The following SEMA6A variants were observed in gnomAD, a reference collection of about 807,000 sequenced individuals.
SEMA6A encodes the protein semaphorin-6A.
Under a neutral mutation model 96.8 loss-of-function variants are expected in SEMA6A, and 25 were observed. The ratio of observed to expected loss-of-function variants is 0.26; its 90% confidence interval spans 0.19 to 0.36. SEMA6A has a LOEUF of 0.36. SEMA6A is among the 10% of genes least tolerant of loss of function. The probability of loss-of-function intolerance (pLI) is 1.00; values close to 1 mark genes in which losing one functional copy is unlikely to be tolerated. For synonymous variants in SEMA6A, 612 were observed against 518.0 expected (o/e 1.18, Z -2.46); for missense variants, 1,363 against 1,323.1 (o/e 1.03, Z -0.47).
intron 1 of SEMA6A, among the ~76,000 whole-genome samples, chr5:116,567,520 G>A (rs749721776): frequency 2.0e-5 from 3 of 152,152 alleles, no homozygotes; most frequent in Non-Finnish European, 4.4e-5. Context: ...CCGGCATTGT[G>A]ACATGCATTT....
intron 1 of SEMA6A, among the ~76,000 whole-genome samples, chr5:116,570,167 G>A (rs930599449): frequency 6.6e-6 from 1 of 152,178 alleles, no homozygotes; most frequent in Non-Finnish European, 1.5e-5. Flanking sequence ...ATTTCGAAGG[G>A]ATTAAATGCC....
At chr5:116,452,939 G>T (rs890585162) in intron 18 of SEMA6A, among the ~76,000 whole-genome samples, 3 of 152,344 alleles carry the variant, frequency 2.0e-5, no homozygotes, top group Admixed American at 1.3e-4. Flanking sequence ...AGGGAAGAAG[G>T]CAAGTGCTTG....
chr5:116,501,497 T>C (rs1276662005), intron 3 of SEMA6A, among the ~76,000 whole-genome samples: 3 of 152,226 alleles, frequency 2.0e-5, no homozygotes, highest in African/African-American at 4.8e-5. Context: ...AGATTATCAA[T>C]GATATATATG....
intron 3 of SEMA6A, among the ~76,000 whole-genome samples, chr5:116,497,724 G>T (rs1359238598): frequency 6.6e-6 from 1 of 152,196 alleles, no homozygotes; most frequent in East Asian, 1.9e-4. Flanking sequence ...AACACAGATG[G>T]ATTCGTGTGC....
chr5:116,553,889 A>ATC (rs1248350743), intron 1 of SEMA6A, among the ~76,000 whole-genome samples: 5 of 152,250 alleles, frequency 3.3e-5, no homozygotes, highest in Admixed American at 1.3e-4. Context: ...TTTTTAAAAT[A>ATC]AGTAATTATA....
At chr5:116,533,704 A>T (rs1759589437) in intron 1 of SEMA6A, among the ~76,000 whole-genome samples, 1 of 152,192 alleles carries the variant, frequency 6.6e-6, no homozygotes, top group Non-Finnish European at 1.5e-5. Context: ...TGAGGTAGCT[A>T]AACCCTACTA....
At chr5:116,451,663 A>G (rs890922356) in intron 18 of SEMA6A, among the ~76,000 whole-genome samples, 9 of 152,172 alleles carry the variant, frequency 5.9e-5, no homozygotes, top group Non-Finnish European at 1.2e-4. Context: ...TGGGTTTTCA[A>G]TACATTGTAG....
At chr5:116,499,475 C>G (rs1330366064) in intron 3 of SEMA6A, among the ~76,000 whole-genome samples, 1 of 152,034 alleles carries the variant, frequency 6.6e-6, no homozygotes, top group Non-Finnish European at 1.5e-5. Context: ...TACTTGCTGC[C>G]TAGAAACCTA....
intron 18 of SEMA6A, among the ~76,000 whole-genome samples, chr5:116,465,124 C>T (rs1043789108): frequency 2.6e-5 from 4 of 152,082 alleles, no homozygotes; most frequent in African/African-American, 4.8e-5. Context: ...TCTTGCATCC[C>T]GGGAGATGCT....
rs183394973 is a variant in SEMA6A, at chr5:116,541,343, T to G, written c.-39+32842A>C. The stretch of plus-strand genomic sequence containing the variant: ...GAGGGGTAAGAATCACCAAAATTCT[T>G]ATTTATTTTTTTCATGTTTACTAAC... On this transcript the variant is annotated intron_variant, in intron 1 of 18. Transcript: ENST00000343348. Among the ~76,000 whole-genome samples, 4 of 152,200 alleles carry G rather than the reference T, an allele frequency of 2.6e-5. No homozygotes were observed. In the East Asian group the frequency reaches 7.7e-4, roughly 29 times the overall value.
Position 116,478,102 on chromosome 5 carries a change from T to C in SEMA6A, c.1480A>G (p.Arg494Gly), listed in dbSNP as rs868050573. ...GCAACATACAGAGAGCTGCTTGCTC[T>C]GTCCAGCTGCATGCCCATGATCCTT... is the stretch of plus-strand genomic sequence containing the variant. ...DKRIMGMQLD[R>G]ASSSLYVAFS... Residue 494 changes from arginine to glycine, a missense_variant, in exon 14 of 19, where the codon AGA (arginine) becomes GGA (glycine). Transcript: ENST00000343348. 6.2e-7 allele frequency: 1 copy of C among 1,613,984 alleles called. No individual in the cohort carries two copies. The highest frequency in any genetic ancestry group is 1.3e-5 in the African/African-American group (1 of 75,044).
intron 1 of SEMA6A, among the ~76,000 whole-genome samples, chr5:116,527,874 A>T (rs1185175691): frequency 6.6e-6 from 1 of 152,246 alleles, no homozygotes; most frequent in Non-Finnish European, 1.5e-5. Context: ...CTCAGGTGTT[A>T]CTATTTTAAT....
At chr5:116,541,155 A>G (rs7706935) in intron 1 of SEMA6A, among the ~76,000 whole-genome samples, 22,831 of 152,106 alleles carry the variant, frequency 0.15, 3,003 homozygotes, top group African/African-American at 0.36. Context: ...GGTGGAGGGT[A>G]AACACAACAG....
chr5:116,472,848 A>T, intron 17 of SEMA6A: 1 of 1,415,636 alleles, frequency 7.1e-7, no homozygotes, highest in Non-Finnish European at 9.3e-7. Flanking sequence ...GAATGACTTC[A>T]CGAATTTAAA....
intron 18 of SEMA6A, 82 bp from the exon 19 acceptor site, chr5:116,447,893 T>A: frequency 8.8e-7 from 1 of 1,135,204 alleles, no homozygotes; most frequent in Non-Finnish European, 1.2e-6. Flanking sequence ...CCTTGTTAAT[T>A]AATAACAGTA....
rs1228760953 is a variant in SEMA6A, at chr5:116,488,759, T to TAC, written c.655+127_655+128dup. 2.9e-5 allele frequency: 34 copies of TAC among 1,172,934 alleles called. No individual in the cohort carries two copies. In the East Asian group the frequency reaches 8.6e-4, roughly 30 times the overall value. The allele number at this position is 1,172,934 out of a possible 1,614,324, so 72.7% of individuals were successfully genotyped here. A position where few individuals can be genotyped will look rare whatever the true frequency, so the allele number is the denominator to read the frequency against. The stretch of plus-strand genomic sequence containing the variant: ...ATCAGTTGAAGCCAAAGATGCAATT[T>TAC]ACATGTTTCTGTCTGTCAGAAGCCA... On this transcript the variant is annotated intron_variant, in intron 8 of 18. Coordinates refer to ENST00000343348, the MANE Select transcript of SEMA6A (RefSeq NM_020796.5).
chr5:116,556,599 C>G (rs933492827), intron 1 of SEMA6A, among the ~76,000 whole-genome samples: 12 of 152,058 alleles, frequency 7.9e-5, no homozygotes, highest in African/African-American at 2.7e-4. Context: ...AGTAATGTTC[C>G]CAAGATCTCA....
In SEMA6A at chr5:116,480,110, T is replaced by A; in HGVS notation, c.1250+12A>T. On this transcript the variant is annotated intron_variant, in intron 12 of 18. Transcript: ENST00000343348. ...AGGAAATCCATCAGGACACGGTTTGTTTGACACCCACCTGACCATTGTTCT... is the reference window on the plus strand; with the variant it reads ...AGGAAATCCATCAGGACACGGTTTGATTGACACCCACCTGACCATTGTTCT... 1 of 1,613,376 alleles carries A rather than the reference T, an allele frequency of 6.2e-7. No individual in the cohort carries two copies. The highest frequency in any genetic ancestry group is 1.3e-5 in the African/African-American group (1 of 75,032).
intron 1 of SEMA6A, among the ~76,000 whole-genome samples, chr5:116,563,881 A>G (rs1372839516): frequency 1.3e-5 from 2 of 152,216 alleles, no homozygotes; most frequent in Non-Finnish European, 2.9e-5. Flanking sequence ...GAATTTACAA[A>G]TGCACATTTT....
Sources: allele counts gnomAD v4.1 joint callset (sites outside exome capture counted in the v4.1 genomes callset), GRCh38; gene constraint gnomAD v4.1.1; transcripts MANE v1.5; gene names NCBI Gene and HGNC (gene_info 2026-07-23, HGNC 2026-07-21).